The following DPP10 variants were observed in gnomAD, a reference collection of about 807,000 sequenced individuals.
The protein encoded by DPP10 is dipeptidyl peptidase like 10, also known as inactive dipeptidyl peptidase 10.
In DPP10, 33 loss-of-function variants were observed where a neutral mutation model predicts 120.9. That is an observed-to-expected ratio of 0.27 (90% CI 0.21 to 0.37). The LOEUF (loss-of-function observed/expected upper bound fraction) is 0.37. Ranked by LOEUF, DPP10 falls within the 10% of genes least tolerant of loss-of-function variation. The pLI is 1.00. For missense variants in DPP10, 816 were observed against 942.8 expected (o/e 0.87, Z 1.76); for synonymous variants, 337 against 326.1 (o/e 1.03, Z -0.36).
chr2:115,337,408 A>G (rs1487414341), intron 2 of DPP10, among the ~76,000 whole-genome samples: 5 of 152,200 alleles, frequency 3.3e-5, no homozygotes, highest in Non-Finnish European at 5.9e-5. Context: ...TTAAAGAGAA[A>G]AGGAAAGAAA....
At chr2:115,635,933 T>C (rs1383451752) in intron 5 of DPP10, among the ~76,000 whole-genome samples, 1 of 152,190 alleles carries the variant, frequency 6.6e-6, no homozygotes, top group Non-Finnish European at 1.5e-5. Flanking sequence ...ATTCATGTTT[T>C]CAAAGCATCA....
intron 1 of DPP10, among the ~76,000 whole-genome samples, chr2:114,873,028 T>A (rs1160340404): frequency 6.6e-6 from 1 of 152,160 alleles, no homozygotes; most frequent in African/African-American, 2.4e-5. Context: ...CACAAGACTT[T>A]GGAGTTTTTC....
At chr2:115,798,310 T>C (rs984058514) in intron 19 of DPP10, among the ~76,000 whole-genome samples, 2 of 151,996 alleles carry the variant, frequency 1.3e-5, no homozygotes, top group Non-Finnish European at 2.9e-5. Context: ...AGAAAAAACA[T>C]ATTAGGATAT....
intron 1 of DPP10, among the ~76,000 whole-genome samples, chr2:115,100,141 A>G (rs2048608371): frequency 6.6e-6 from 1 of 152,130 alleles, no homozygotes; most frequent in African/African-American, 2.4e-5. Context: ...GTCATATGGG[A>G]GGTAGAGAAC....
intron 1 of DPP10, among the ~76,000 whole-genome samples, chr2:114,648,244 C>G (rs751596470): frequency 7.9e-5 from 12 of 152,188 alleles, no homozygotes; most frequent in Non-Finnish European, 1.5e-4. Context: ...CTGTGTTCTC[C>G]TTAATAAAGT....
chr2:114,461,991 CGAAAG>C (rs1214942025), intron 1 of DPP10: 1 of 985,242 alleles, frequency 1.0e-6, no homozygotes, highest in East Asian at 1.1e-4. Flanking sequence ...CCTGCTGAAT[CGAAAG>C]GAAGTGCTAC....
chr2:115,206,108 A>G (rs941447757), intron 1 of DPP10, among the ~76,000 whole-genome samples: 1 of 152,166 alleles, frequency 6.6e-6, no homozygotes, highest in African/African-American at 2.4e-5. Context: ...TTATGGGAGT[A>G]TGTTTTATAC....
intron 21 of DPP10, 88 bp from the exon 22 acceptor site, chr2:115,836,069 T>G: frequency 2.4e-5 from 15 of 635,978 alleles, no homozygotes; most frequent in East Asian, 1.1e-4. Context: ...TCTCCAGGCA[T>G]AGTTGTTATA....
At chr2:115,340,479 T>C (rs2063389230) in intron 2 of DPP10, among the ~76,000 whole-genome samples, 1 of 151,966 alleles carries the variant, frequency 6.6e-6, no homozygotes, top group African/African-American at 2.4e-5. Context: ...GTTTTCACTG[T>C]TGTGTGTATG....
intron 3 of DPP10, among the ~76,000 whole-genome samples, chr2:115,434,525 T>G (rs2071299700): frequency 6.6e-6 from 1 of 151,874 alleles, no homozygotes; most frequent in Admixed American, 6.6e-5. Context: ...AACTCTTCTT[T>G]TTTAAAAAAA....
intron 1 of DPP10, among the ~76,000 whole-genome samples, chr2:114,888,507 A>G (rs1203800255): frequency 6.6e-6 from 1 of 152,192 alleles, no homozygotes; most frequent in African/African-American, 2.4e-5. Flanking sequence ...AATTATATTT[A>G]GCGGCAAAAA....
intron 1 of DPP10, among the ~76,000 whole-genome samples, chr2:114,799,792 C>T (rs550063013): frequency 3.9e-5 from 6 of 152,044 alleles, no homozygotes; most frequent in Admixed American, 1.3e-4. Context: ...AATTGGAAAG[C>T]GAAGTAGGAA....
At chr2:115,407,844 G>C (rs2104549612) in intron 3 of DPP10, among the ~76,000 whole-genome samples, 1 of 151,952 alleles carries the variant, frequency 6.6e-6, no homozygotes, top group South Asian at 2.1e-4. Flanking sequence ...TTACCTATCA[G>C]TGAAGAGAGG....
At chr2:114,977,177 T>C (rs920582050) in intron 1 of DPP10, among the ~76,000 whole-genome samples, 4 of 152,216 alleles carry the variant, frequency 2.6e-5, no homozygotes, top group Non-Finnish European at 5.9e-5. Flanking sequence ...TAAATATGTT[T>C]ACATCTTGTG....
intron 1 of DPP10, among the ~76,000 whole-genome samples, chr2:114,684,640 T>G (rs751598604): frequency 1.1e-4 from 16 of 152,026 alleles, no homozygotes; most frequent in Admixed American, 5.9e-4. Flanking sequence ...CTGAGCCCTG[T>G]GCTCTGCTCT....
chr2:115,519,998 G>C (rs986813136), intron 4 of DPP10, among the ~76,000 whole-genome samples: 14 of 152,168 alleles, frequency 9.2e-5, no homozygotes, highest in African/African-American at 3.4e-4. Context: ...ATTGAGTAGT[G>C]AGGGAAGTTA....
intron 1 of DPP10, among the ~76,000 whole-genome samples, chr2:114,528,390 C>T (rs764360612): frequency 6.6e-6 from 1 of 152,122 alleles, no homozygotes; most frequent in African/African-American, 2.4e-5. Context: ...TGAGAGTGAA[C>T]ACTGTTACTG....
chr2:115,695,770 C>A (rs902906436), intron 7 of DPP10, among the ~76,000 whole-genome samples: 2 of 151,926 alleles, frequency 1.3e-5, no homozygotes, highest in Non-Finnish European at 2.9e-5. Flanking sequence ...AAAAAAATTA[C>A]AAAGAATACA....
At chr2:114,767,120 AGCTTAAAGCTAAAATT>A (rs1680780745) in intron 1 of DPP10, among the ~76,000 whole-genome samples, 3 of 145,758 alleles carry the variant, frequency 2.1e-5, no homozygotes, top group Non-Finnish European at 4.5e-5. Flanking sequence ...AAAAAAAAAA[AGCTTAAAGCTAAAATT>A]AAAAAACAAC....
Sources: allele counts gnomAD v4.1 joint callset (sites outside exome capture counted in the v4.1 genomes callset), GRCh38; gene constraint gnomAD v4.1.1; transcripts MANE v1.5; gene names NCBI Gene and HGNC (gene_info 2026-07-23, HGNC 2026-07-21).